CDH13: variants seen among roughly 807,000 people sequenced by gnomAD.
The protein encoded by CDH13 is cadherin 13.
A neutral mutation model predicts 63.8 loss-of-function variants in CDH13; 24 were observed. The observed-to-expected ratio is 0.38, with a 90% confidence interval of 0.27 to 0.53. The LOEUF is 0.53. CDH13 is among the 20% of genes least tolerant of loss of function. The pLI is 0.85. For missense variants in CDH13, 1,049 were observed against 903.1 expected, an observed-to-expected ratio of 1.16 and a Z score of -2.07; for synonymous variants, 503 against 355.3, an observed-to-expected ratio of 1.42 and a Z score of -4.67.
intron 2 of CDH13, among the ~76,000 whole-genome samples, chr16:83,027,464 C>A (rs1407950359): frequency 1.3e-5 from 2 of 152,058 alleles, no homozygotes; most frequent in Non-Finnish European, 2.9e-5. Flanking sequence ...AGAGGGAGCA[C>A]TATACACAAA....
At chr16:83,573,577 A>G (rs1393642376) in intron 7 of CDH13, among the ~76,000 whole-genome samples, 1 of 152,202 alleles carries the variant, frequency 6.6e-6, no homozygotes, top group Non-Finnish European at 1.5e-5. Flanking sequence ...ATCCTACTTA[A>G]CAAAGGGGCC....
intron 1 of CDH13, among the ~76,000 whole-genome samples, chr16:82,788,768 C>G (rs750970606): frequency 1.3e-5 from 2 of 152,148 alleles, no homozygotes; most frequent in Non-Finnish European, 2.9e-5. Context: ...GACAAAGAGC[C>G]GGACAGATCC....
intron 1 of CDH13, among the ~76,000 whole-genome samples, chr16:82,700,818 G>T (rs901280577): frequency 1.3e-5 from 2 of 151,990 alleles, no homozygotes; most frequent in African/African-American, 2.4e-5. Context: ...ACATCAAGTT[G>T]TGTTTTCTAT....
chr16:82,642,812 T>C (rs1909581116), intron 1 of CDH13, among the ~76,000 whole-genome samples: 1 of 152,226 alleles, frequency 6.6e-6, no homozygotes, highest in Non-Finnish European at 1.5e-5. Flanking sequence ...GTAATCCTCA[T>C]AGTGACTCTA....
At chr16:83,103,243 C>CTTTT (rs35812420) in intron 3 of CDH13, among the ~76,000 whole-genome samples, 6 of 91,208 alleles carry the variant, frequency 6.6e-5, no homozygotes, top group African/African-American at 1.2e-4. Flanking sequence ...GTTAACTGAA[C>CTTTT]TTTTTTTTTT....
chr16:82,695,884 A>G (rs571910076), intron 1 of CDH13, among the ~76,000 whole-genome samples: 43 of 152,326 alleles, frequency 2.8e-4, no homozygotes, highest in African/African-American at 9.1e-4. Flanking sequence ...ACAGAGTTAA[A>G]TCAACCATAA....
At chr16:83,310,730 A>C (rs1243493888) in intron 5 of CDH13, among the ~76,000 whole-genome samples, 1 of 152,210 alleles carries the variant, frequency 6.6e-6, no homozygotes, top group Non-Finnish European at 1.5e-5. Context: ...ATGGACCAGC[A>C]CAATAGTGTC....
Position 82,835,154 on chromosome 16 carries a change from A to G in CDH13, c.46-23208A>G, listed in dbSNP as rs78348217. Among the ~76,000 whole-genome samples, 507 of 152,346 alleles carry G rather than the reference A, an allele frequency of 3.3e-3. 14 individuals carry two copies. In the East Asian group the frequency reaches 0.092, roughly 28 times the overall value. ...AGAAATTGCGAATGAAATATTTTAC[A>G]TTCTTTTTTCATACCACGTCTTTAA... is the stretch of plus-strand genomic sequence containing the variant. On this transcript the variant is annotated intron_variant, in intron 1 of 13. Transcript: ENST00000567109.
chr16:82,645,086 C>T (rs1176734561), intron 1 of CDH13, among the ~76,000 whole-genome samples: 1 of 152,124 alleles, frequency 6.6e-6, no homozygotes, highest in Non-Finnish European at 1.5e-5. Flanking sequence ...CTCTTGTACA[C>T]AGTGGGTCTC....
intron 5 of CDH13, among the ~76,000 whole-genome samples, chr16:83,310,520 G>T (rs2089976223): frequency 6.6e-6 from 1 of 152,168 alleles, no homozygotes; most frequent in African/African-American, 2.4e-5. Flanking sequence ...AGTAAGACAG[G>T]TCCACACTCC....
chr16:83,443,160 T>G (rs1438661886), intron 6 of CDH13, among the ~76,000 whole-genome samples: 1 of 152,164 alleles, frequency 6.6e-6, no homozygotes, highest in Non-Finnish European at 1.5e-5. Context: ...CAGAAAGGAA[T>G]TTATTTGAAG....
chr16:83,434,847 A>ATGTGTGTGTGTGTGTGTG (rs1267789287), intron 6 of CDH13, among the ~76,000 whole-genome samples: 10 of 81,520 alleles, frequency 1.2e-4, no homozygotes, highest in African/African-American at 2.6e-4. Context: ...ATATATATAT[A>ATGTGTGTGTGTGTGTGTG]TGTGTGTGCG....
chr16:82,796,304 C>G (rs190500664), intron 1 of CDH13, among the ~76,000 whole-genome samples: 93 of 152,298 alleles, frequency 6.1e-4, no homozygotes, highest in Non-Finnish European at 1.0e-3. Flanking sequence ...AACATCAAGC[C>G]TTACCTAGAA....
At chr16:83,644,829 T>G (rs942670938) in intron 8 of CDH13, among the ~76,000 whole-genome samples, 1 of 152,212 alleles carries the variant, frequency 6.6e-6, no homozygotes, top group African/African-American at 2.4e-5. Context: ...TCCACGGGCA[T>G]GAACTTGAAC....
intron 8 of CDH13, among the ~76,000 whole-genome samples, chr16:83,634,917 G>A (rs1370745605): frequency 6.6e-6 from 1 of 152,174 alleles, no homozygotes; most frequent in African/African-American, 2.4e-5. Context: ...AGGCTTTTGT[G>A]TGAACATACA....
intron 7 of CDH13, among the ~76,000 whole-genome samples, chr16:83,516,512 C>A (rs549140309): frequency 6.6e-6 from 1 of 152,170 alleles, no homozygotes; most frequent in Non-Finnish European, 1.5e-5. Context: ...TTGTGGGAAA[C>A]AATTCTCTAC....
chr16:82,989,489 G>C lies in CDH13; in HGVS notation c.158-42521G>C, dbSNP rs540539840. On this transcript the variant is annotated intron_variant, in intron 2 of 13. Coordinates refer to ENST00000567109, the MANE Select transcript of CDH13 (RefSeq NM_001257.5). ...TAAACTTATTCTGGGTAAGGCAGTG[G>C]CAAGGGTGACCAGCAAAGTGGTGCC... is the stretch of plus-strand genomic sequence containing the variant. 2.0e-5 allele frequency among the ~76,000 whole-genome samples: 3 copies of C among 152,306 alleles called. 1 individual carries two copies. The highest frequency in any genetic ancestry group is 7.2e-5 in the African/African-American group (3 of 41,566).
intron 1 of CDH13, chr16:82,826,300 G>A (rs1281737080): frequency 6.6e-6 from 1 of 152,198 alleles, no homozygotes; most frequent in African/African-American, 2.4e-5. Context: ...CTTGAGAATT[G>A]CAGTGGCTTC....
chr16:83,105,219 T>G (rs2034706164), intron 3 of CDH13, among the ~76,000 whole-genome samples: 1 of 152,212 alleles, frequency 6.6e-6, no homozygotes, highest in Non-Finnish European at 1.5e-5. Flanking sequence ...ACCGTAAGAT[T>G]CTACCTGAGG....
Sources: gnomAD v4.1 joint callset for allele counts (sites outside exome capture counted in the v4.1 genomes callset) on GRCh38, gnomAD v4.1.1 for gene constraint, MANE v1.5 for transcripts, NCBI Gene and HGNC (gene_info 2026-07-23, HGNC 2026-07-21) for gene names.